Variants in FNBP4 observed in about 807,000 individuals in gnomAD.
FNBP4 encodes the protein formin binding protein 4.
FNBP4 carries 34 observed loss-of-function variants against 119.3 expected under a neutral mutation model. The observed-to-expected ratio is 0.28, with a 90% CI of 0.22 to 0.38. FNBP4 has a LOEUF of 0.38. Among genes scored for constraint, FNBP4 ranks in the 10% least tolerant of loss-of-function variants. The pLI is 1.00. For missense variants in FNBP4, 1,112 were observed against 1,228.9 expected (o/e 0.90, Z 1.42); for synonymous variants, 462 against 430.6 (o/e 1.07, Z -0.90).
At chr11:47,727,053 T>C (rs535293939) in intron 12 of FNBP4, 1 of 152,286 alleles carries the variant, frequency 6.6e-6, no homozygotes, top group South Asian at 2.1e-4. Context: ...AACATGTTTA[T>C]GATGGTGGTG....
chr11:47,746,137 G>A lies in FNBP4; in HGVS notation c.1164C>T (p.Cys388=). Residue 388 remains cysteine, a synonymous_variant, in exon 7 of 17, where the codon TGC becomes TGT. Transcript: ENST00000263773. ...NIEDPSQEDL[C]SVVQSGESEE... ...CACTTTCTCCAGATTGGACAACACT[G>A]CAAAGATCCTCCTGAGAAGGGTCTT... 1 of 1,614,100 alleles carries A rather than the reference G, an allele frequency of 6.2e-7. No homozygotes were observed. The highest frequency in any genetic ancestry group is 8.5e-7 in the Non-Finnish European group (1 of 1,180,008).
Position 47,732,370 on chromosome 11 carries a change from T to G in FNBP4, c.1820+167A>C. The G allele has an allele frequency of 6.6e-7, 1 of 1,511,310 alleles. No individual in the cohort carries two copies. The highest frequency in any genetic ancestry group is 1.9e-4 in the Middle Eastern group (1 of 5,238). 93.6% of individuals were successfully genotyped at this position (1,511,310 alleles called of 1,614,324 possible). ...TTAAACATTGCTTTTGTTTCTCCAATGTGTGGCTGGCCAAACTTTGTGCTT... is the reference window on the plus strand; with the variant it reads ...TTAAACATTGCTTTTGTTTCTCCAAGGTGTGGCTGGCCAAACTTTGTGCTT... On this transcript the variant is annotated intron_variant, in intron 11 of 16. Transcript: ENST00000263773. The surrounding 1 kb of genome is among the most constrained non-coding windows in gnomAD (Gnocchi z 4.2).
intron 2 of FNBP4, among the ~76,000 whole-genome samples, chr11:47,758,909 T>C (rs1178705192): frequency 6.7e-6 from 1 of 149,238 alleles, no homozygotes; most frequent in Non-Finnish European, 1.5e-5. Context: ...GTTTCTTAGA[T>C]AGTGTCTCTA....
In FNBP4 at chr11:47,765,372, A is replaced by G. The variant is rs780623837; in HGVS notation, c.221-10T>C. The G allele has an allele frequency of 1.8e-5, 26 of 1,480,776 alleles. No homozygotes were observed. In the Admixed American group the frequency reaches 4.9e-4, roughly 28 times the overall value. The allele number at this position is 1,480,776 out of a possible 1,614,324, so 91.7% of individuals were successfully genotyped here. A position where few individuals can be genotyped will look rare whatever the true frequency, so the allele number is the denominator to read the frequency against. ...ACCGCTTCCTGTTCATCTGGATTAA[A>G]AAAAAAGAAAAGAAAAGAAAAGAAA... is the stretch of plus-strand genomic sequence containing the variant. On this transcript the variant is annotated splice_polypyrimidine_tract_variant and intron_variant, in intron 1 of 16. Coordinates refer to ENST00000263773, the MANE Select transcript of FNBP4 (RefSeq NM_015308.5).
Position 47,767,172 on chromosome 11 carries a change from C to T in FNBP4, c.117G>A (p.Pro39=), listed in dbSNP as rs1565175308. 3.9e-6 allele frequency: 6 copies of T among 1,555,732 alleles called. No individual in the cohort carries two copies. The highest frequency in any genetic ancestry group is 5.2e-6 in the Non-Finnish European group (6 of 1,155,896). The change falls in exon 1 of 17, where the codon CCG becomes CCA. Residue 39 remains proline, a synonymous_variant. Coordinates refer to ENST00000263773, the MANE Select transcript of FNBP4 (RefSeq NM_015308.5). ...GGCTGGGGACCGCCGCGGTTGAGTC[C>T]GGCTCAGTGTCGGGTTCCGGCTCCG... is the stretch of plus-strand genomic sequence containing the variant. The part of the protein sequence containing the change: ...RDPEPEPDTE[P]DSTAAVPSQP...
At chr11:47,741,385 G>C (rs1428150563) in intron 8 of FNBP4, among the ~76,000 whole-genome samples, 2 of 151,646 alleles carry the variant, frequency 1.3e-5, no homozygotes, top group Non-Finnish European at 2.9e-5. Context: ...GTCCAGGCTG[G>C]TCTTGACTCC....
intron 2 of FNBP4, 68 bp from the exon 3 acceptor site, chr11:47,754,732 G>A (rs1473252733): frequency 2.0e-6 from 3 of 1,521,368 alleles, no homozygotes; most frequent in Non-Finnish European, 1.8e-6. Context: ...CATCTAAAGC[G>A]GAAGTATAAC....
chr11:47,736,517 G>A lies in FNBP4; in HGVS notation c.1581+99C>T. On this transcript the variant is annotated intron_variant, in intron 9 of 16. Transcript: ENST00000263773. ...AGAGGTTGCAGTGAGCTGAGATCGT[G>A]CCACTGCACTCCAGCCTGGGTGACA... The A allele has an allele frequency of 4.2e-6, 4 of 941,704 alleles. No homozygotes were observed. The highest frequency in any genetic ancestry group is 4.6e-6 in the Non-Finnish European group (3 of 651,542). 58.3% of individuals were successfully genotyped at this position (941,704 alleles called of 1,614,324 possible).
In FNBP4 at chr11:47,753,656, C is replaced by T. The variant is rs1371394849; in HGVS notation, c.451-554G>A. Among the ~76,000 whole-genome samples the T allele has an allele frequency of 2.6e-5, 4 of 151,960 alleles. No homozygotes were observed. In the East Asian group the frequency reaches 5.8e-4, roughly 22 times the overall value. ...AAAAAAGAATACAATTATTATCGGG[C>T]GTGGTGGCACATGCCTGTAATCCCA... is the stretch of plus-strand genomic sequence containing the variant. On this transcript the variant is annotated intron_variant, in intron 3 of 16. Transcript: ENST00000263773.
At chr11:47,752,666 T>G (rs2097606529) in intron 4 of FNBP4, 3 of 335,800 alleles carry the variant, frequency 8.9e-6, no homozygotes, top group South Asian at 5.1e-5. Flanking sequence ...AAAGAGAAAT[T>G]AGCCAGGCAT....
At chr11:47,719,899 C>G (rs2097553698) in intron 16 of FNBP4, 30 bp downstream of exon 16, 1 of 1,611,470 alleles carries the variant, frequency 6.2e-7, no homozygotes, top group Non-Finnish European at 8.5e-7. Flanking sequence ...CTCCAAAACC[C>G]CATCTCATCT....
intron 1 of FNBP4, among the ~76,000 whole-genome samples, chr11:47,766,170 C>T (rs1347375860): frequency 2.0e-5 from 3 of 151,826 alleles, no homozygotes; most frequent in East Asian, 1.9e-4. Context: ...AAAAATTAGC[C>T]GGGCATGGTG....
intron 8 of FNBP4, among the ~76,000 whole-genome samples, chr11:47,739,584 C>T (rs2097578912): frequency 6.6e-6 from 1 of 152,088 alleles, no homozygotes; most frequent in African/African-American, 2.4e-5. Flanking sequence ...AGGATGTTAC[C>T]ACAGTATTAT....
In FNBP4 at chr11:47,720,080, T is replaced by C; in HGVS notation, c.2812A>G (p.Lys938Glu). ...TKKGRKDKAKKSKTKMPSLVK... is the reference protein window; with the variant it reads ...TKKGRKDKAKESKTKMPSLVK... Reference sequence around the variant, plus strand: ...AAAGATGGCATTTTGGTCTTACTCTTCTTTGCCTGTAACAAAGGTTAAAGG... The same window carrying C: ...AAAGATGGCATTTTGGTCTTACTCTCCTTTGCCTGTAACAAAGGTTAAAGG... The change falls in exon 16 of 17, where the codon AAG (lysine) becomes GAG (glutamate). Residue 938 changes from lysine to glutamate, a missense_variant. Lys to Glu is a moderately conservative substitution (Grantham distance 56). Around this residue, in one of 2 missense-constraint regions of FNBP4, gnomAD observed 826 missense variants for 988.8 expected, o/e 0.84. Coordinates refer to ENST00000263773, the MANE Select transcript of FNBP4 (RefSeq NM_015308.5). The C allele has an allele frequency of 1.2e-6, 2 of 1,612,984 alleles. No individual in the cohort carries two copies. The highest frequency in any genetic ancestry group is 1.1e-5 in the South Asian group (1 of 90,916).
intron 2 of FNBP4, among the ~76,000 whole-genome samples, chr11:47,762,214 C>T (rs1452274982): frequency 6.6e-6 from 1 of 151,764 alleles, no homozygotes; most frequent in Non-Finnish European, 1.5e-5. Context: ...TCATTGCAAC[C>T]TCCGCCTCCC....
chr11:47,716,958 G>C lies in FNBP4; in HGVS notation c.*464C>G, dbSNP rs1445960021. The C allele has an allele frequency of 6.4e-6, 1 of 155,770 alleles. No homozygotes were observed. Among genetic ancestry groups the C allele is most frequent in the Non-Finnish European group, 1.4e-5 (1 of 70,136 alleles). The allele number at this position is 155,770 out of a possible 1,614,324, so 9.6% of individuals were successfully genotyped here. On this transcript the variant is annotated 3_prime_UTR_variant, in exon 17 of 17. Transcript: ENST00000263773. The stretch of plus-strand genomic sequence containing the variant: ...CTATCAGCACGAGGTAAACCACTTA[G>C]ACCTCAGCACTTCAGGGGTGGCCGA...
chr11:47,746,485 GT>G (rs1459503393), intron 6 of FNBP4, 91 bp from the exon 7 acceptor site: 8 of 1,100,640 alleles, frequency 7.3e-6, no homozygotes, highest in Non-Finnish European at 8.9e-6. Flanking sequence ...CATATTAACT[GT>G]TTTCAGTAGC....
Position 47,717,652 on chromosome 11 carries a change from C to T in FNBP4, c.2964-140G>A, listed in dbSNP as rs2097551224. On this transcript the variant is annotated intron_variant, in intron 16 of 16. Coordinates refer to ENST00000263773, the MANE Select transcript of FNBP4 (RefSeq NM_015308.5). ...TTATGAAAATCTTTTGTTTCTCAGCCAAACATCAGTATATTCTTCATCAAA... is the reference window on the plus strand; with the variant it reads ...TTATGAAAATCTTTTGTTTCTCAGCTAAACATCAGTATATTCTTCATCAAA... The T allele has an allele frequency of 4.5e-6, 3 of 661,890 alleles. No individual in the cohort carries two copies. In the East Asian group the frequency reaches 8.1e-5, roughly 18 times the overall value. The allele number at this position is 661,890 out of a possible 1,614,324, so 41.0% of individuals were successfully genotyped here.
intron 8 of FNBP4, among the ~76,000 whole-genome samples, chr11:47,738,927 A>G (rs1311898835): frequency 7.4e-6 from 1 of 134,558 alleles, no homozygotes; most frequent in African/African-American, 2.8e-5. Flanking sequence ...CTGGTTTCAA[A>G]CTCCTGGCCT....
Sources: gnomAD v4.1 joint callset for allele counts (sites outside exome capture counted in the v4.1 genomes callset) on GRCh38, gnomAD v4.1.1 for gene constraint, gnomAD v4.1.1 regional missense constraint, Gnocchi (gnomAD v3.1) non-coding constraint, MANE v1.5 for transcripts, NCBI Gene and HGNC (gene_info 2026-07-23, HGNC 2026-07-21) for gene names.